INPP4B: variants seen among roughly 807,000 people sequenced by gnomAD.
The protein encoded by INPP4B is inositol polyphosphate-4-phosphatase type II B.
Under a neutral mutation model 122.5 loss-of-function variants are expected in INPP4B, and 55 were observed. The observed-to-expected ratio is 0.45, with a 90% CI of 0.36 to 0.56. INPP4B has a LOEUF of 0.56. Among genes scored for constraint, INPP4B ranks in the 20% least tolerant of loss-of-function variants. INPP4B has a pLI of 0.00. For missense variants in INPP4B, 1,000 were observed against 1,097.7 expected (o/e 0.91, Z 1.26); for synonymous variants, 403 against 388.7 (o/e 1.04, Z -0.43).
rs559464525 is a variant in INPP4B at position 142,329,856 on chromosome 4, A to C, written c.373-15094T>G. ...TATTTAAATAAATTTAGTGCTAAAT[A>C]ATAAATATTCCACTATTTACACTTT... On this transcript the variant is annotated intron_variant, in intron 7 of 25. Transcript: ENST00000262992. Among the ~76,000 whole-genome samples, 16 of 152,352 alleles carry C rather than the reference A, an allele frequency of 1.1e-4. No individual in the cohort carries two copies. In the East Asian group the frequency reaches 3.1e-3, roughly 29 times the overall value.
At chr4:142,516,246 A>G (rs1825399864) in intron 2 of INPP4B, among the ~76,000 whole-genome samples, 1 of 152,178 alleles carries the variant, frequency 6.6e-6, no homozygotes, top group African/African-American at 2.4e-5. Flanking sequence ...GCCCAATACC[A>G]AAGGAATACT....
At chr4:142,209,494 T>TA (rs1280256828) in intron 12 of INPP4B, among the ~76,000 whole-genome samples, 4 of 151,892 alleles carry the variant, frequency 2.6e-5, no homozygotes, top group African/African-American at 7.2e-5. Flanking sequence ...AATATTTTTT[T>TA]AAAAAAACAA....
intron 25 of INPP4B, among the ~76,000 whole-genome samples, chr4:142,041,240 A>G (rs917970550): frequency 6.6e-6 from 1 of 152,206 alleles, no homozygotes; most frequent in Non-Finnish European, 1.5e-5. Flanking sequence ...GAGAAGGTTA[A>G]CATCCATACC....
Position 142,112,571 on chromosome 4 carries a change from T to C in INPP4B, c.2247A>G (p.Gly749=). 1 of 1,613,166 alleles carries C rather than the reference T, an allele frequency of 6.2e-7. No individual in the cohort carries two copies. The highest frequency in any genetic ancestry group is 8.5e-7 in the Non-Finnish European group (1 of 1,179,484). The part of the protein sequence containing the change: ...LHVYPVLFNV[G]INEQQTLAER... ...CAGCCAGAGTTTGCTGTTCATTGAT[T>C]CCAACATTAAAAAGTACTGGATACA... is the stretch of plus-strand genomic sequence containing the variant. The change falls in exon 22 of 26, where the codon GGA becomes GGG. Residue 749 remains glycine, a synonymous_variant. Coordinates refer to ENST00000262992, the MANE Select transcript of INPP4B (RefSeq NM_001101669.3).
At chr4:142,746,953 T>C (rs942740880) in intron 1 of INPP4B, among the ~76,000 whole-genome samples, 1 of 152,084 alleles carries the variant, frequency 6.6e-6, no homozygotes, top group East Asian at 1.9e-4. Flanking sequence ...ATTCAGGATA[T>C]AGGCATGGGC....
At chr4:142,298,212 T>C (rs1327588600) in intron 9 of INPP4B, among the ~76,000 whole-genome samples, 1 of 152,162 alleles carries the variant, frequency 6.6e-6, no homozygotes, top group African/African-American at 2.4e-5. Flanking sequence ...TCTACTTAAC[T>C]CCACAAAGAA....
chr4:142,597,287 T>C (rs1336158219), intron 2 of INPP4B, among the ~76,000 whole-genome samples: 2 of 152,222 alleles, frequency 1.3e-5, no homozygotes, highest in African/African-American at 2.4e-5. Flanking sequence ...ATTTCATGTT[T>C]CCACACATGG....
chr4:142,462,412 A>T (rs1816917289), intron 3 of INPP4B, among the ~76,000 whole-genome samples: 1 of 152,180 alleles, frequency 6.6e-6, no homozygotes, highest in Non-Finnish European at 1.5e-5. Flanking sequence ...AATAATATTA[A>T]TTTCTTAATT....
chr4:142,208,016 T>C (rs921536599), intron 14 of INPP4B, among the ~76,000 whole-genome samples: 2 of 152,064 alleles, frequency 1.3e-5, no homozygotes, highest in East Asian at 3.9e-4. Flanking sequence ...TTGATAGTTA[T>C]CAGTAAGTCA....
intron 7 of INPP4B, among the ~76,000 whole-genome samples, chr4:142,394,892 G>A (rs551359290): frequency 6.6e-6 from 1 of 152,218 alleles, no homozygotes; most frequent in South Asian, 2.1e-4. Flanking sequence ...AGATCAATGT[G>A]ACAGAACTTT....
At chr4:142,723,114 A>G (rs1374328592) in intron 2 of INPP4B, among the ~76,000 whole-genome samples, 1 of 152,146 alleles carries the variant, frequency 6.6e-6, no homozygotes, top group Non-Finnish European at 1.5e-5. Context: ...GTAACCCTGT[A>G]TAGTAGCCTT....
At chr4:142,387,784 T>C (rs1196679842) in intron 7 of INPP4B, among the ~76,000 whole-genome samples, 1 of 152,204 alleles carries the variant, frequency 6.6e-6, no homozygotes, top group African/African-American at 2.4e-5. Context: ...TTTGTGTGTC[T>C]TTCTGTATTG....
At chr4:142,305,674 G>C in intron 8 of INPP4B, 137 bp from the exon 9 acceptor site, 6 of 1,465,054 alleles carry the variant, frequency 4.1e-6, no homozygotes, top group Non-Finnish European at 5.5e-6. Context: ...CAGTAACAGA[G>C]ATAAAATTAT....
intron 7 of INPP4B, among the ~76,000 whole-genome samples, chr4:142,367,936 T>A (rs755471862): frequency 6.6e-6 from 1 of 152,138 alleles, no homozygotes; most frequent in Non-Finnish European, 1.5e-5. Context: ...AAATATTACA[T>A]GCCAAACTTT....
intron 2 of INPP4B, among the ~76,000 whole-genome samples, chr4:142,587,242 C>A (rs928048343): frequency 6.6e-6 from 1 of 152,068 alleles, no homozygotes; most frequent in African/African-American, 2.4e-5. Context: ...AACACCCCAT[C>A]CATTTTTAAG....
At chr4:142,065,677 G>C (rs149595642) in intron 25 of INPP4B, among the ~76,000 whole-genome samples, 1 of 152,152 alleles carries the variant, frequency 6.6e-6, no homozygotes, top group Non-Finnish European at 1.5e-5. Flanking sequence ...AGGGCTGGGG[G>C]GATGGCATTT....
chr4:142,611,634 TTTC>T lies in INPP4B; in HGVS notation c.-191+114202_-191+114204del, dbSNP rs1377345408. ...CTTCTGGAAGTTCTGTTTTTTCTTTTTTCTTTTTTTTTTTTTTTTTTTTTTTTG... is the reference window on the plus strand; with the variant it reads ...CTTCTGGAAGTTCTGTTTTTTCTTTTTTTTTTTTTTTTTTTTTTTTTTTTG... On this transcript the variant is annotated intron_variant, in intron 2 of 25. Coordinates refer to ENST00000262992, the MANE Select transcript of INPP4B (RefSeq NM_001101669.3). Among the ~76,000 whole-genome samples, 469 of 137,666 alleles carry T rather than the reference TTTC, an allele frequency of 3.4e-3. 12 individuals are homozygous for T. Among genetic ancestry groups the T allele is most frequent in the African/African-American group, 0.012 (452 of 37,342 alleles). The allele number at this position is 137,666 out of a possible 152,430, so 90.3% of individuals were successfully genotyped here.
At chr4:142,336,206 C>T (rs1017245082) in intron 7 of INPP4B, among the ~76,000 whole-genome samples, 3 of 152,218 alleles carry the variant, frequency 2.0e-5, no homozygotes, top group Non-Finnish European at 4.4e-5. Flanking sequence ...TGTCCATGTA[C>T]CTCATTCCTC....
At chr4:142,437,424 C>G (rs1451863306) in intron 3 of INPP4B, among the ~76,000 whole-genome samples, 1 of 152,006 alleles carries the variant, frequency 6.6e-6, no homozygotes, top group Non-Finnish European at 1.5e-5. Flanking sequence ...CTAAGATACT[C>G]CATTAGAAGA....
Sources: allele counts gnomAD v4.1 joint callset (sites outside exome capture counted in the v4.1 genomes callset), GRCh38; gene constraint gnomAD v4.1.1; transcripts MANE v1.5; gene names NCBI Gene and HGNC (gene_info 2026-07-23, HGNC 2026-07-21).